Variants in FNBP1 observed in about 807,000 individuals in gnomAD.
The protein encoded by FNBP1 is formin-binding protein 1.
A neutral mutation model predicts 90.6 loss-of-function variants in FNBP1; 26 were observed. The ratio of observed to expected loss-of-function variants is 0.29; its 90% confidence interval spans 0.21 to 0.40. The LOEUF is 0.40. Ranked by LOEUF, FNBP1 falls within the 10% of genes least tolerant of loss-of-function variation. The probability of loss-of-function intolerance (pLI) is 1.00; values close to 1 mark genes in which losing one functional copy is unlikely to be tolerated. For missense variants in FNBP1, 635 were observed against 768.0 expected, an observed-to-expected ratio of 0.83 and a Z score of 2.05; for synonymous variants, 260 against 265.2, an observed-to-expected ratio of 0.98 and a Z score of 0.19.
In FNBP1 at chr9:129,890,418, C is replaced by A. The variant is rs2034990871; in HGVS notation, c.*121G>T. The A allele has an allele frequency of 3.7e-6, 3 of 816,234 alleles. No individual in the cohort carries two copies. Among genetic ancestry groups the A allele is most frequent in the Admixed American group, 2.2e-5 (1 of 46,014 alleles). 50.6% of individuals were successfully genotyped at this position (816,234 alleles called of 1,614,324 possible). On this transcript the variant is annotated 3_prime_UTR_variant, in exon 17 of 17. Coordinates refer to ENST00000446176, the MANE Select transcript of FNBP1 (RefSeq NM_015033.3). This position sits in a 1 kb window ranked among gnomAD's most constrained non-coding sequence, Gnocchi z 5.8. ...ATGCTGGAGAGAGAGAGAGACCGCC[C>A]CGCAGGGATGGGGCTGCGGAGGGGT...
chr9:129,960,398 A>AAAAAAG lies in FNBP1; in HGVS notation c.346-1851_346-1846dup, dbSNP rs1226735948. On this transcript the variant is annotated intron_variant, in intron 4 of 16. Coordinates refer to ENST00000446176, the MANE Select transcript of FNBP1 (RefSeq NM_015033.3). ...GACTCCATCTCAAAAAAAAAAAAAA[A>AAAAAAG]AAAAAGAAAAAGAAAAAGAAAAAGA... Among the ~76,000 whole-genome samples, 501 of 132,138 alleles carry AAAAAAG rather than the reference A, an allele frequency of 3.8e-3. 3 individuals carry two copies. The highest frequency in any genetic ancestry group is 6.9e-3 in the African/African-American group (262 of 38,116). 86.7% of individuals were successfully genotyped at this position (132,138 alleles called of 152,430 possible).
intron 4 of FNBP1, among the ~76,000 whole-genome samples, chr9:129,961,456 C>A (rs1033973301): frequency 6.6e-6 from 1 of 152,010 alleles, no homozygotes; most frequent in African/African-American, 2.4e-5. Context: ...AGCCAGGAGA[C>A]CAAAGAAGAC....
chr9:130,018,366 C>T (rs2057467233), intron 1 of FNBP1, among the ~76,000 whole-genome samples: 1 of 151,836 alleles, frequency 6.6e-6, no homozygotes, highest in Non-Finnish European at 1.5e-5. Flanking sequence ...TTTCCATTTA[C>T]CGATGAGGAA....
In FNBP1 at chr9:129,895,885, T is replaced by C. The variant is rs775911608; in HGVS notation, c.1799A>G (p.Tyr600Cys). 6 of 1,613,732 alleles carry C rather than the reference T, an allele frequency of 3.7e-6. No homozygotes were observed. The change falls in exon 16 of 17, where the codon TAT (tyrosine) becomes TGT (cysteine). Residue 600 changes from tyrosine to cysteine, a missense_variant. Transcript: ENST00000446176. Reference sequence around the variant, plus strand: ...GACTTCGACATATGAAGTGGGGACATAACCCTCTTCATCTTCATTTCTCCG... The same window carrying C: ...GACTTCGACATATGAAGTGGGGACACAACCCTCTTCATCTTCATTTCTCCG... ...RIRRNEDEEG[Y>C]VPTSYVEVCL...
At chr9:129,907,259 G>C (rs989952709) in intron 12 of FNBP1, among the ~76,000 whole-genome samples, 1 of 151,972 alleles carries the variant, frequency 6.6e-6, no homozygotes, top group Non-Finnish European at 1.5e-5. Context: ...TTGTGTATTG[G>C]GTTTTTAATT....
chr9:129,924,465 C>T (rs2041583761), intron 9 of FNBP1, among the ~76,000 whole-genome samples: 1 of 152,202 alleles, frequency 6.6e-6, no homozygotes, highest in Non-Finnish European at 1.5e-5. Flanking sequence ...AGTAATGCTG[C>T]CTTGATCATA....
At chr9:129,928,269 C>T (rs1229084262) in intron 7 of FNBP1, among the ~76,000 whole-genome samples, 3 of 152,246 alleles carry the variant, frequency 2.0e-5, no homozygotes, top group Non-Finnish European at 2.9e-5. Flanking sequence ...AATCCTATAA[C>T]TCTATGAATG....
At chr9:129,979,559 C>T (rs1589037093) in intron 2 of FNBP1, among the ~76,000 whole-genome samples, 185 bp from the exon 3 acceptor site, 3 of 152,324 alleles carry the variant, frequency 2.0e-5, no homozygotes, top group East Asian at 1.9e-4. Context: ...ACGTGCACAG[C>T]TTTTCATCTT....
intron 11 of FNBP1, among the ~76,000 whole-genome samples, chr9:129,914,755 G>GTATATA (rs71499203): frequency 1.2e-4 from 12 of 98,434 alleles, no homozygotes; most frequent in East Asian, 7.7e-4. Flanking sequence ...ACATACATAT[G>GTATATA]TCTATATATA....
chr9:129,913,867 G>T (rs532528186), intron 11 of FNBP1, among the ~76,000 whole-genome samples: 27 of 128,080 alleles, frequency 2.1e-4, no homozygotes, highest in Non-Finnish European at 3.7e-4. Flanking sequence ...CAGATTTTGG[G>T]TTTTTTGTTT....
Position 129,900,383 on chromosome 9 carries a change from A to G in FNBP1, c.1550+43T>C. 5 of 1,483,786 alleles carry G rather than the reference A, an allele frequency of 3.4e-6. No homozygotes were observed. Among genetic ancestry groups the G allele is most frequent in the Non-Finnish European group, 4.5e-6 (5 of 1,116,500 alleles). 91.9% of individuals were successfully genotyped at this position (1,483,786 alleles called of 1,614,324 possible). A position where few individuals can be genotyped will look rare whatever the true frequency, so the allele number is the denominator to read the frequency against. ...AAATTTAGAAATAAATACAAAGCCA[A>G]CAGGCTCCCTTGCCAGAGGCAGGCG... On this transcript the variant is annotated intron_variant, in intron 14 of 16. Transcript: ENST00000446176. The surrounding 1 kb of genome is among the most constrained non-coding windows in gnomAD (Gnocchi z 4.1).
intron 15 of FNBP1, 52 bp downstream of exon 15, chr9:129,899,913 A>C: frequency 1.4e-6 from 2 of 1,428,880 alleles, no homozygotes; most frequent in Non-Finnish European, 1.9e-6. Context: ...AGAGTAACTC[A>C]GATATTATGG....
rs1274302056 is a variant in FNBP1 at position 129,941,424 on chromosome 9, G to T, written c.514-11729C>A. On this transcript the variant is annotated intron_variant, in intron 6 of 16. Coordinates refer to ENST00000446176, the MANE Select transcript of FNBP1 (RefSeq NM_015033.3). ...ATAAATAAATGCTATTAAATAGAAT[G>T]TCAAATTCCCAAGAACAACTGACAA... 2.0e-5 allele frequency among the ~76,000 whole-genome samples: 3 copies of T among 152,162 alleles called. No individual in the cohort carries two copies. In the East Asian group the frequency reaches 5.8e-4, roughly 29 times the overall value.
intron 1 of FNBP1, among the ~76,000 whole-genome samples, chr9:129,996,323 G>A (rs2053996437): frequency 1.3e-5 from 2 of 152,294 alleles, no homozygotes; most frequent in Middle Eastern, 3.4e-3. Context: ...GCCTGGCCCA[G>A]GAAGCAGAGC....
chr9:129,929,269 G>T (rs1206071664), intron 7 of FNBP1, among the ~76,000 whole-genome samples: 1 of 151,740 alleles, frequency 6.6e-6, no homozygotes, highest in Non-Finnish European at 1.5e-5. Flanking sequence ...AATTAGCCGG[G>T]CCCAGTGGTA....
At chr9:129,978,007 C>A (rs546967422) in intron 4 of FNBP1, among the ~76,000 whole-genome samples, 2 of 151,800 alleles carry the variant, frequency 1.3e-5, no homozygotes, top group Non-Finnish European at 2.9e-5. Flanking sequence ...GGAACAGGGT[C>A]TGTAACTTTT....
chr9:129,982,767 A>T lies in FNBP1; in HGVS notation c.141-3393T>A, dbSNP rs79391674. 7.2e-3 allele frequency among the ~76,000 whole-genome samples: 1,098 copies of T among 152,106 alleles called. 8 individuals are homozygous for T. Among genetic ancestry groups the T allele is most frequent in the African/African-American group, 0.025 (1,047 of 41,474 alleles). ...AGCCTCGAACTCCTGGGCCCCAGGG[A>T]TCTTCCCACCTTAGCCTCCCAAGTA... On this transcript the variant is annotated intron_variant, in intron 2 of 16. Transcript: ENST00000446176.
rs2034950776 is a variant in FNBP1, at chr9:129,889,739, G to C, written c.*800C>G. 2 of 232,348 alleles carry C rather than the reference G, an allele frequency of 8.6e-6. No homozygotes were observed. The highest frequency in any genetic ancestry group is 1.8e-4 in the South Asian group (1 of 5,590). 14.4% of individuals were successfully genotyped at this position (232,348 alleles called of 1,614,324 possible). A position where few individuals can be genotyped will look rare whatever the true frequency, so the allele number is the denominator to read the frequency against. ...AGTTCTCAGGGACAGGAAAGTGATG[G>C]GGAGGACAGGCGTGGGCTCCTCATG... On this transcript the variant is annotated 3_prime_UTR_variant, in exon 17 of 17. Coordinates refer to ENST00000446176, the MANE Select transcript of FNBP1 (RefSeq NM_015033.3).
chr9:129,929,455 A>G (rs964011716), intron 7 of FNBP1, 112 bp downstream of exon 7: 11 of 862,716 alleles, frequency 1.3e-5, no homozygotes, highest in Middle Eastern at 2.6e-4. Context: ...ATTTGGAATT[A>G]TATAAAGACT....
Sources: allele counts gnomAD v4.1 joint callset (sites outside exome capture counted in the v4.1 genomes callset), GRCh38; gene constraint gnomAD v4.1.1; non-coding constraint Gnocchi (gnomAD v3.1); transcripts MANE v1.5; gene names NCBI Gene and HGNC (gene_info 2026-07-23, HGNC 2026-07-21).